The following TECRL variants were observed in gnomAD, a reference collection of about 807,000 sequenced individuals.
TECRL encodes trans-2,3-enoyl-CoA reductase like.
A neutral mutation model predicts 52.8 loss-of-function variants in TECRL; 63 were observed. The observed-to-expected ratio is 1.19, with a 90% CI of 0.97 to 1.47. The LOEUF (loss-of-function observed/expected upper bound fraction) is 1.47. TECRL is among the 40% of genes most tolerant of loss of function. TECRL has a pLI of 0.00. For missense variants in TECRL, 482 were observed against 429.6 expected (o/e 1.12, Z -1.08); for synonymous variants, 164 against 141.9 (o/e 1.16, Z -1.10).
intron 1 of TECRL, among the ~76,000 whole-genome samples, 166 bp from the exon 2 acceptor site, chr4:64,375,389 A>G (rs796613438): frequency 2.0e-5 from 3 of 152,018 alleles, no homozygotes; most frequent in African/African-American, 7.2e-5. Flanking sequence ...AAATGTTGCA[A>G]TCAGTAACAA....
chr4:64,379,070 T>C (rs374362076), intron 1 of TECRL, among the ~76,000 whole-genome samples: 14 of 151,940 alleles, frequency 9.2e-5, no homozygotes, highest in East Asian at 7.7e-4. Context: ...TTGAAAAAAA[T>C]GTAAAAATTA....
At chr4:64,396,659 T>C (rs1723975749) in intron 1 of TECRL, among the ~76,000 whole-genome samples, 1 of 152,192 alleles carries the variant, frequency 6.6e-6, no homozygotes, top group South Asian at 2.1e-4. Context: ...TTAATTTCCA[T>C]AGGTCCCAGT....
intron 8 of TECRL, among the ~76,000 whole-genome samples, chr4:64,299,487 C>T (rs1171465420): frequency 1.3e-5 from 2 of 150,950 alleles, no homozygotes; most frequent in African/African-American, 2.4e-5. Flanking sequence ...GATTTCCACA[C>T]AATTTTATCT....
intron 2 of TECRL, among the ~76,000 whole-genome samples, chr4:64,336,718 C>T (rs1719115978): frequency 6.6e-6 from 1 of 152,180 alleles, no homozygotes; most frequent in Non-Finnish European, 1.5e-5. Flanking sequence ...TCTTTGTTCT[C>T]ACTGGTTTCA....
chr4:64,289,760 T>C lies in TECRL; in HGVS notation c.782A>G (p.Glu261Gly). ...TACATTGATGAAATGATTCCCAGCTTCACAAATCTGCAAAACATTTTAAAC... is the reference window on the plus strand; with the variant it reads ...TACATTGATGAAATGATTCCCAGCTCCACAAATCTGCAAAACATTTTAAAC... Reference protein sequence around the residue: ...TVSAINFLICEAGNHFINVML... With the variant: ...TVSAINFLICGAGNHFINVML... The change falls in exon 9 of 12, where the codon GAA (glutamate) becomes GGA (glycine). Residue 261 changes from glutamate (E) to glycine (G), a missense_variant. Coordinates refer to ENST00000381210, the MANE Select transcript of TECRL (RefSeq NM_001010874.5). 6.5e-7 allele frequency: 1 copy of C among 1,548,164 alleles called. No homozygotes were observed. Among genetic ancestry groups the C allele is most frequent in the Non-Finnish European group, 8.6e-7 (1 of 1,157,084 alleles).
At chr4:64,317,975 A>G (rs1717623304) in intron 4 of TECRL, among the ~76,000 whole-genome samples, 1 of 152,176 alleles carries the variant, frequency 6.6e-6, no homozygotes, top group Non-Finnish European at 1.5e-5. Flanking sequence ...AGGTGGCCTC[A>G]TAAAACTGTC....
chr4:64,353,158 T>C (rs1453872598), intron 2 of TECRL, among the ~76,000 whole-genome samples: 15 of 152,100 alleles, frequency 9.9e-5, no homozygotes, highest in Non-Finnish European at 1.5e-5. Flanking sequence ...AGTTTAACAG[T>C]GGGGAAAGCT....
At position 64,284,492 on chromosome 4, in the gene TECRL, T is replaced by C. The variant is rs544429140; in HGVS notation, c.833-2933A>G. ...TATGGTAGTGAAAGGAACACCATCA[T>C]CACTAAGATTCGCATTGGCTCTTTG... On this transcript the variant is annotated intron_variant, in intron 9 of 11. Coordinates refer to ENST00000381210, the MANE Select transcript of TECRL (RefSeq NM_001010874.5). Among the ~76,000 whole-genome samples, 1,104 of 152,068 alleles carry C rather than the reference T, an allele frequency of 7.3e-3. 12 individuals carry two copies. The highest frequency in any genetic ancestry group is 0.025 in the African/African-American group (1,033 of 41,526).
chr4:64,387,621 G>A (rs943596365), intron 1 of TECRL, among the ~76,000 whole-genome samples: 2 of 151,954 alleles, frequency 1.3e-5, no homozygotes, highest in African/African-American at 4.8e-5. Context: ...CAGTAATATC[G>A]CATTATCATT....
chr4:64,368,379 T>C (rs1433482856), intron 2 of TECRL, among the ~76,000 whole-genome samples: 1 of 152,160 alleles, frequency 6.6e-6, no homozygotes, highest in East Asian at 1.9e-4. Context: ...CACTGCAACC[T>C]CTGCCTACCA....
chr4:64,332,853 G>A (rs1031213610), intron 2 of TECRL, among the ~76,000 whole-genome samples: 1 of 152,002 alleles, frequency 6.6e-6, no homozygotes, highest in African/African-American at 2.4e-5. Flanking sequence ...GATGAGCAAT[G>A]AAAAAGTACA....
chr4:64,406,147 GGC>G (rs67324937), intron 1 of TECRL, among the ~76,000 whole-genome samples: 1,540 of 146,600 alleles, frequency 0.011, 25 homozygotes, highest in African/African-American at 0.035. Flanking sequence ...TTATTTGTTA[GGC>G]GCGCGCGCGC....
At chr4:64,372,630 T>A (rs1722054442) in intron 2 of TECRL, among the ~76,000 whole-genome samples, 1 of 151,710 alleles carries the variant, frequency 6.6e-6, no homozygotes, top group Admixed American at 6.6e-5. Context: ...GTAAAGCTGA[T>A]AAGTCTGAGA....
chr4:64,328,504 C>T lies in TECRL; in HGVS notation c.331+8G>A, dbSNP rs772713962. On this transcript the variant is annotated splice_region_variant and intron_variant, in intron 3 of 11. Coordinates refer to ENST00000381210, the MANE Select transcript of TECRL (RefSeq NM_001010874.5). ...TAAATAAACACATCAGTGAAAAATG[C>T]TTCTTACCACATTCTAGCTGCAGAC... 1.2e-5 allele frequency: 19 copies of T among 1,609,594 alleles called. No individual in the cohort carries two copies. The Admixed American group carries it at 1.3e-4, about 11-fold the overall frequency.
chr4:64,280,314 T>A (rs997501147), intron 11 of TECRL, 115 bp from the exon 12 acceptor site: 3 of 872,892 alleles, frequency 3.4e-6, no homozygotes, highest in African/African-American at 3.5e-5. Context: ...GTTGCATAAT[T>A]TCTTATCAAT....
At chr4:64,304,590 A>C (rs1166601754) in intron 7 of TECRL, among the ~76,000 whole-genome samples, 1 of 152,094 alleles carries the variant, frequency 6.6e-6, no homozygotes, top group Non-Finnish European at 1.5e-5. Context: ...AGAGCTGAAG[A>C]GAGAAAAGTC....
chr4:64,383,287 CT>C lies in TECRL; in HGVS notation c.235-8065del, dbSNP rs530321460. The stretch of plus-strand genomic sequence containing the variant: ...GATATATTTGGGCATCTTTAAGCTC[CT>C]GTATCTGGATGTCTATATCTTGCAA... On this transcript the variant is annotated intron_variant, in intron 1 of 11. Transcript: ENST00000381210. Among the ~76,000 whole-genome samples, 547 of 152,056 alleles carry C rather than the reference CT, an allele frequency of 3.6e-3. 2 individuals carry two copies. Among genetic ancestry groups the C allele is most frequent in the Admixed American group, 8.3e-3 (126 of 15,244 alleles).
chr4:64,301,816 T>C (rs891220247), intron 7 of TECRL, among the ~76,000 whole-genome samples: 1 of 151,202 alleles, frequency 6.6e-6, no homozygotes, highest in Non-Finnish European at 1.5e-5. Context: ...AAATGAATAA[T>C]GATGTGATAA....
At chr4:64,300,090 G>A (rs1438868047) in intron 7 of TECRL, 73 bp from the exon 8 acceptor site, 2 of 1,180,262 alleles carry the variant, frequency 1.7e-6, no homozygotes, top group African/African-American at 3.1e-5. Context: ...ACATAATTCA[G>A]GCAGTATTTA....
Sources: allele counts gnomAD v4.1 joint callset (sites outside exome capture counted in the v4.1 genomes callset), GRCh38; gene constraint gnomAD v4.1.1; transcripts MANE v1.5; gene names NCBI Gene and HGNC (gene_info 2026-07-23, HGNC 2026-07-21).